Variants in PDZD2 observed in about 807,000 individuals in gnomAD.
PDZD2 encodes PDZ domain-containing protein 2.
A neutral mutation model predicts 220.7 loss-of-function variants in PDZD2; 90 were observed. The observed-to-expected ratio is 0.41, with a 90% CI of 0.34 to 0.49. The LOEUF (loss-of-function observed/expected upper bound fraction) is 0.49. Among genes scored for constraint, PDZD2 ranks in the 20% least tolerant of loss-of-function variants. The pLI, the probability that PDZD2 is intolerant of heterozygous loss-of-function variation, is 0.28. For missense variants in PDZD2, 3,174 were observed against 3,608.5 expected (o/e 0.88, Z 3.08); for synonymous variants, 1,375 against 1,450.5 (o/e 0.95, Z 1.18).
chr5:31,985,420 T>C (rs888734867), intron 3 of PDZD2, among the ~76,000 whole-genome samples: 5 of 152,184 alleles, frequency 3.3e-5, no homozygotes, highest in Non-Finnish European at 5.9e-5. Flanking sequence ...AAGGGCCAGG[T>C]GCAGGGGCTC....
intron 2 of PDZD2, among the ~76,000 whole-genome samples, chr5:31,911,892 A>C (rs1743241573): frequency 6.6e-6 from 1 of 152,178 alleles, no homozygotes; most frequent in Admixed American, 6.5e-5. Context: ...CACTGCATCC[A>C]GGTTATACTG....
At chr5:32,073,108 T>A (rs530489393) in intron 17 of PDZD2, among the ~76,000 whole-genome samples, 1 of 152,338 alleles carries the variant, frequency 6.6e-6, no homozygotes, top group East Asian at 1.9e-4. Context: ...GACTTCTTTC[T>A]GCTGGTGAGG....
intron 1 of PDZD2, among the ~76,000 whole-genome samples, chr5:31,657,029 G>A (rs1331820687): frequency 6.6e-6 from 1 of 152,214 alleles, no homozygotes; most frequent in African/African-American, 2.4e-5. Context: ...CCTCAGCTCG[G>A]GGGTGGAGGG....
chr5:32,037,258 G>A lies in PDZD2; in HGVS notation c.1435G>A (p.Val479Met), dbSNP rs1448422206. The A allele has an allele frequency of 6.2e-7, 1 of 1,613,538 alleles. No individual in the cohort carries two copies. The highest frequency in any genetic ancestry group is 8.5e-7 in the Non-Finnish European group (1 of 1,179,438). Residue 479 changes from valine (V) to methionine (M), a missense_variant, in exon 7 of 25, where the codon GTG becomes ATG. Val to Met is a conservative substitution (Grantham distance 21). Coordinates refer to ENST00000438447, the MANE Select transcript of PDZD2 (RefSeq NM_178140.4). Reference protein sequence around the residue: ...AMPGTDEPQDVCGAEESKGNL... With the variant: ...AMPGTDEPQDMCGAEESKGNL... ...GCCTGGGACAGATGAACCCCAAGATGTGTGCGGTGCTGAGGAATCCAAGGG... is the reference window on the plus strand; with the variant it reads ...GCCTGGGACAGATGAACCCCAAGATATGTGCGGTGCTGAGGAATCCAAGGG...
At chr5:31,828,114 C>T (rs1756341294) in intron 2 of PDZD2, among the ~76,000 whole-genome samples, 1 of 152,170 alleles carries the variant, frequency 6.6e-6, no homozygotes, top group Non-Finnish European at 1.5e-5. Flanking sequence ...ACATTTGGGT[C>T]ATTTCCACTT....
At chr5:31,684,701 A>G (rs930183024) in intron 1 of PDZD2, among the ~76,000 whole-genome samples, 6 of 152,050 alleles carry the variant, frequency 3.9e-5, no homozygotes, top group African/African-American at 1.4e-4. Flanking sequence ...GCCCCTGCCT[A>G]TCTTCCTTGC....
chr5:31,651,653 A>T (rs1351734067), intron 1 of PDZD2, among the ~76,000 whole-genome samples: 4 of 145,966 alleles, frequency 2.7e-5, no homozygotes, highest in African/African-American at 8.1e-5. Flanking sequence ...TTTTTTTGAG[A>T]TAAGATCTCC....
chr5:31,777,392 G>A (rs983512675), intron 1 of PDZD2, among the ~76,000 whole-genome samples: 30 of 150,102 alleles, frequency 2.0e-4, no homozygotes, highest in African/African-American at 2.7e-4. Flanking sequence ...CCCTCCCCTC[G>A]CCCCACCCCA....
chr5:32,036,464 T>C (rs1458430891), intron 6 of PDZD2, among the ~76,000 whole-genome samples: 1 of 152,212 alleles, frequency 6.6e-6, no homozygotes, highest in Admixed American at 6.5e-5. Flanking sequence ...CTGAAGTGCA[T>C]GTGTCTCATT....
intron 2 of PDZD2, among the ~76,000 whole-genome samples, chr5:31,880,045 C>A (rs1739722348): frequency 6.6e-6 from 1 of 151,712 alleles, no homozygotes. Context: ...TCCCAAGTAG[C>A]TGGGATGACA....
intron 1 of PDZD2, among the ~76,000 whole-genome samples, chr5:31,682,235 G>T (rs1184896172): frequency 6.6e-6 from 1 of 152,152 alleles, no homozygotes; most frequent in Non-Finnish European, 1.5e-5. Flanking sequence ...AGGGGCTTAG[G>T]CAGGGGTCAG....
At chr5:32,070,787 G>A (rs770459252) in intron 15 of PDZD2, among the ~76,000 whole-genome samples, 4 of 152,230 alleles carry the variant, frequency 2.6e-5, no homozygotes, top group Non-Finnish European at 5.9e-5. Flanking sequence ...CCTGAAGTCT[G>A]GAGTTCGAGA....
At position 31,926,677 on chromosome 5, in the gene PDZD2, TAAAAC is replaced by T. The variant is rs199927150; in HGVS notation, c.477-56476_477-56472del. Among the ~76,000 whole-genome samples, 71 of 152,272 alleles carry T rather than the reference TAAAAC, an allele frequency of 4.7e-4. 1 individual carries two copies. The East Asian group carries it at 8.3e-3, about 18-fold the overall frequency. ...CTGTTTGGAGATTTCTCAAAGAACT[TAAAAC>T]AGAACTACCATTCAACCCAGCAATT... On this transcript the variant is annotated intron_variant, in intron 2 of 24. Coordinates refer to ENST00000438447, the MANE Select transcript of PDZD2 (RefSeq NM_178140.4).
chr5:32,002,929 CTCACACA>C (rs1389274323), intron 5 of PDZD2, among the ~76,000 whole-genome samples: 2 of 102,878 alleles, frequency 1.9e-5, no homozygotes, highest in South Asian at 3.6e-4. Context: ...CCACACACAC[CTCACACA>C]CCACGAACAC....
Position 32,109,503 on chromosome 5 carries a change from A to G in PDZD2, c.*1368A>G, listed in dbSNP as rs1314410341. 6.6e-6 allele frequency: 1 copy of G among 152,128 alleles called. No homozygotes were observed. The highest frequency in any genetic ancestry group is 2.4e-5 in the African/African-American group (1 of 41,410). 9.4% of individuals were successfully genotyped at this position (152,128 alleles called of 1,614,324 possible). A position where few individuals can be genotyped will look rare whatever the true frequency, so the allele number is the denominator to read the frequency against. On this transcript the variant is annotated 3_prime_UTR_variant, in exon 25 of 25. Coordinates refer to ENST00000438447, the MANE Select transcript of PDZD2 (RefSeq NM_178140.4). Reference sequence around the variant, plus strand: ...TCACATAGCTGGCTTTTCTCTCCTCATGATGTACCTTATTTTCTTAGGTAA... The same window carrying G: ...TCACATAGCTGGCTTTTCTCTCCTCGTGATGTACCTTATTTTCTTAGGTAA...
At chr5:31,797,177 T>C (rs1218838276) in intron 1 of PDZD2, among the ~76,000 whole-genome samples, 2 of 148,032 alleles carry the variant, frequency 1.4e-5, no homozygotes, top group Non-Finnish European at 3.0e-5. Flanking sequence ...TCTCCTGACC[T>C]TGTGATCCGC....
rs543193749 is a variant in PDZD2 at position 31,987,656 on chromosome 5, T to G, written c.978+4000T>G. ...GTCTCCATCTTGGATATATTTCACA[T>G]CATGCCTAAAACTCAGCACATCATT... On this transcript the variant is annotated intron_variant, in intron 3 of 24. Coordinates refer to ENST00000438447, the MANE Select transcript of PDZD2 (RefSeq NM_178140.4). Among the ~76,000 whole-genome samples the G allele has an allele frequency of 3.2e-3, 481 of 152,304 alleles. 4 individuals carry two copies. Among genetic ancestry groups the G allele is most frequent in the Admixed American group, 7.1e-3 (109 of 15,292 alleles).
chr5:32,067,974 C>T (rs1740361553), intron 14 of PDZD2, among the ~76,000 whole-genome samples: 1 of 152,280 alleles, frequency 6.6e-6, no homozygotes, highest in Non-Finnish European at 1.5e-5. Flanking sequence ...TAGTCTCAAA[C>T]TGTTTCTTCA....
intron 2 of PDZD2, among the ~76,000 whole-genome samples, chr5:31,836,450 A>C (rs993721041): frequency 6.6e-6 from 1 of 151,238 alleles, no homozygotes; most frequent in Non-Finnish European, 1.5e-5. Flanking sequence ...CTGATTTCAA[A>C]CTCCTGACCT....
Sources: gnomAD v4.1 joint callset for allele counts (sites outside exome capture counted in the v4.1 genomes callset) on GRCh38, gnomAD v4.1.1 for gene constraint, MANE v1.5 for transcripts, NCBI Gene and HGNC (gene_info 2026-07-23, HGNC 2026-07-21) for gene names.